The following PCDHGB6 variants were observed in gnomAD, a reference collection of about 807,000 sequenced individuals.
PCDHGB6 encodes protocadherin gamma subfamily B, 6, also known as protocadherin gamma-B6.
In PCDHGB6, 51 loss-of-function variants were observed where a neutral mutation model predicts 59.1. The observed-to-expected ratio is 0.86, with a 90% CI of 0.69 to 1.09. The LOEUF is 1.09. Among genes scored for constraint, PCDHGB6 ranks in the 50% least tolerant of loss-of-function variants. The pLI is 0.00. For missense variants in PCDHGB6, 1,148 were observed against 1,205.1 expected, an observed-to-expected ratio of 0.95 and a Z score of 0.70; for synonymous variants, 466 against 495.1, an observed-to-expected ratio of 0.94 and a Z score of 0.78.
chr5:141,414,801 G>A, intron 1 of PCDHGB6: 2 of 1,614,218 alleles, frequency 1.2e-6, no homozygotes, highest in Non-Finnish European at 1.7e-6. Flanking sequence ...GCGACAGCGG[G>A]GATCCTCCAC....
chr5:141,408,940 A>G lies in PCDHGB6; in HGVS notation c.738A>G (p.Glu246=). 2 of 1,613,658 alleles carry G rather than the reference A, an allele frequency of 1.2e-6. No individual in the cohort carries two copies. The highest frequency in any genetic ancestry group is 1.7e-6 in the Non-Finnish European group (2 of 1,179,776). ...ACCCCCCGGTTTTCAGCAGAGACGAATATAGAATTAGTCTTAGTGAAAATC... is the reference window on the plus strand; with the variant it reads ...ACCCCCCGGTTTTCAGCAGAGACGAGTATAGAATTAGTCTTAGTGAAAATC... ...NDNPPVFSRD[E]YRISLSENLP... The change falls in exon 1 of 4, where the codon GAA becomes GAG. Residue 246 remains glutamate, a synonymous_variant. Coordinates refer to ENST00000520790, the MANE Select transcript of PCDHGB6 (RefSeq NM_018926.3).
intron 1 of PCDHGB6, among the ~76,000 whole-genome samples, chr5:141,456,073 A>G (rs1490650582): frequency 2.6e-5 from 4 of 151,252 alleles, no homozygotes; most frequent in Non-Finnish European, 5.9e-5. Flanking sequence ...AATTTTTTGT[A>G]TTTTCAGTAG....
Position 141,431,938 on chromosome 5 carries a change from A to G in PCDHGB6, c.2418+21318A>G, listed in dbSNP as rs150199588. 49 of 1,614,050 alleles carry G rather than the reference A, an allele frequency of 3.0e-5. No individual in the cohort carries two copies. Among genetic ancestry groups the G allele is most frequent in the Non-Finnish European group, 3.9e-5 (46 of 1,180,026 alleles). Reference sequence around the variant, plus strand: ...TCATCCAAGGAAATCTGCCCTTTAAATTAGAAAAATCTTACGGAAATTACT... The same window carrying G: ...TCATCCAAGGAAATCTGCCCTTTAAGTTAGAAAAATCTTACGGAAATTACT... On this transcript the variant is annotated intron_variant, in intron 1 of 3. Coordinates refer to ENST00000520790, the MANE Select transcript of PCDHGB6 (RefSeq NM_018926.3). This position sits in a 1 kb window ranked among gnomAD's most constrained non-coding sequence, Gnocchi z 4.8.
rs964965013 is a variant in PCDHGB6 at position 141,489,097 on chromosome 5, C to G, written c.2419-5710C>G. The G allele has an allele frequency of 6.4e-6, 2 of 313,448 alleles. No homozygotes were observed. The highest frequency in any genetic ancestry group is 1.1e-4 in the South Asian group (2 of 18,596). 19.4% of individuals were successfully genotyped at this position (313,448 alleles called of 1,614,324 possible). The stretch of plus-strand genomic sequence containing the variant: ...ACCCCCGCCACTCGGTGACTAAGAA[C>G]TGCTGCAAGCAGGCAAACCTCCGAG... On this transcript the variant is annotated intron_variant, in intron 1 of 3. Coordinates refer to ENST00000520790, the MANE Select transcript of PCDHGB6 (RefSeq NM_018926.3). This position sits in a 1 kb window ranked among gnomAD's most constrained non-coding sequence, Gnocchi z 4.5.
intron 1 of PCDHGB6, among the ~76,000 whole-genome samples, chr5:141,455,137 G>A (rs892739175): frequency 2.7e-5 from 4 of 150,642 alleles, no homozygotes; most frequent in African/African-American, 9.8e-5. Flanking sequence ...ATTACACTGT[G>A]TTAAATAAAT....
intron 1 of PCDHGB6, chr5:141,413,189 G>T: frequency 1.2e-6 from 2 of 1,606,972 alleles, no homozygotes; most frequent in Middle Eastern, 1.7e-4. Flanking sequence ...GCCGCTCAAA[G>T]GAATCGCTCA....
chr5:141,505,089 G>A (rs1562219081), intron 2 of PCDHGB6, among the ~76,000 whole-genome samples: 1 of 152,208 alleles, frequency 6.6e-6, no homozygotes, highest in Non-Finnish European at 1.5e-5. Context: ...TTGAACCCAG[G>A]AGGTGGATGT....
chr5:141,415,606 G>A lies in PCDHGB6; in HGVS notation c.2418+4986G>A. On this transcript the variant is annotated intron_variant, in intron 1 of 3. Transcript: ENST00000520790. ...GTTTCCTATAGAGGATACCCCATTG[G>A]TTCCAGTGAGTTTTATTTTCATTTT... The A allele has an allele frequency of 1.2e-6, 2 of 1,612,910 alleles. 1 individual carries two copies. Among genetic ancestry groups the A allele is most frequent in the East Asian group, 4.5e-5 (2 of 44,866 alleles).
At chr5:141,418,077 T>G (rs770464447) in intron 1 of PCDHGB6, 4 of 1,613,914 alleles carry the variant, frequency 2.5e-6, no homozygotes, top group African/African-American at 1.3e-5. Context: ...GCGGAGAAGC[T>G]GCACTTCAGC....
At chr5:141,449,328 C>G (rs1340432771) in intron 1 of PCDHGB6, among the ~76,000 whole-genome samples, 1 of 151,866 alleles carries the variant, frequency 6.6e-6, no homozygotes, top group African/African-American at 2.4e-5. Flanking sequence ...ATCTGTAGGC[C>G]AGGTGCAGTG....
intron 1 of PCDHGB6, among the ~76,000 whole-genome samples, chr5:141,481,789 T>TAAAAATAC (rs972511310): frequency 3.3e-5 from 5 of 151,186 alleles, no homozygotes; most frequent in African/African-American, 1.2e-4. Flanking sequence ...CCGTCTCTAC[T>TAAAAATAC]AAAAATACAA....
intron 1 of PCDHGB6, among the ~76,000 whole-genome samples, chr5:141,450,649 G>A (rs2098689040): frequency 6.6e-6 from 1 of 151,674 alleles, no homozygotes; most frequent in African/African-American, 2.4e-5. Flanking sequence ...ACCATGCCTG[G>A]CTAATTTTTG....
At chr5:141,456,148 C>T (rs1408257938) in intron 1 of PCDHGB6, among the ~76,000 whole-genome samples, 13 of 152,078 alleles carry the variant, frequency 8.5e-5, no homozygotes, top group African/African-American at 3.1e-4. Flanking sequence ...CCGCCCGCCT[C>T]GGCCTCCTAA....
rs1554123924 is a variant in PCDHGB6, at chr5:141,431,826, T to C, written c.2418+21206T>C. 1 of 1,614,220 alleles carries C rather than the reference T, an allele frequency of 6.2e-7. No homozygotes were observed. The highest frequency in any genetic ancestry group is 8.5e-7 in the Non-Finnish European group (1 of 1,180,050). The stretch of plus-strand genomic sequence containing the variant: ...GTCCTCACCTCTCTCGCCAGCTCGG[T>C]TCCCGAAAACTCTCCCAGAGGGACA... On this transcript the variant is annotated intron_variant, in intron 1 of 3. Coordinates refer to ENST00000520790, the MANE Select transcript of PCDHGB6 (RefSeq NM_018926.3). This position sits in a 1 kb window ranked among gnomAD's most constrained non-coding sequence, Gnocchi z 4.8.
intron 2 of PCDHGB6, among the ~76,000 whole-genome samples, chr5:141,499,317 A>G (rs532848559): frequency 7.9e-5 from 12 of 152,354 alleles, no homozygotes; most frequent in Admixed American, 1.3e-4. Context: ...GAGAGACAGT[A>G]TCCCTGCTCT....
intron 1 of PCDHGB6, chr5:141,433,250 G>A: frequency 1.4e-6 from 2 of 1,440,892 alleles, no homozygotes; most frequent in Non-Finnish European, 1.9e-6. Flanking sequence ...CTGGAATGCA[G>A]CGGTACGATC....
chr5:141,485,563 C>A lies in PCDHGB6; in HGVS notation c.2419-9244C>A. 2 of 1,612,904 alleles carry A rather than the reference C, an allele frequency of 1.2e-6. No individual in the cohort carries two copies. The highest frequency in any genetic ancestry group is 1.7e-6 in the Non-Finnish European group (2 of 1,179,034). ...AGATCGTAGATGTGAATGATCACGC[C>A]CCCCGTTTTCCGCGGCAGCAGCTGG... On this transcript the variant is annotated intron_variant, in intron 1 of 3. Coordinates refer to ENST00000520790, the MANE Select transcript of PCDHGB6 (RefSeq NM_018926.3). This position sits in a 1 kb window ranked among gnomAD's most constrained non-coding sequence, Gnocchi z 5.7.
intron 1 of PCDHGB6, chr5:141,440,531 C>G (rs931337116): frequency 6.6e-6 from 1 of 152,272 alleles, no homozygotes; most frequent in Middle Eastern, 3.4e-3. Flanking sequence ...GAATCATGCA[C>G]CACGGTTCAG....
chr5:141,408,249 T>A lies in PCDHGB6; in HGVS notation c.47T>A (p.Val16Glu). ...AQRRRAGPRQ[V>E]LFPLLLPLFY... Reference sequence around the variant, plus strand: ...AGGCGCCGGGCCGGCCCGCGGCAGGTGCTATTTCCTTTGCTGCTGCCTTTG... The same window carrying A: ...AGGCGCCGGGCCGGCCCGCGGCAGGAGCTATTTCCTTTGCTGCTGCCTTTG... Residue 16 changes from valine to glutamate, a missense_variant, in exon 1 of 4, where the codon GTG becomes GAG. Around this residue, in one of 5 missense-constraint regions of PCDHGB6, gnomAD observed 307 missense variants for 323.8 expected, o/e 0.95. Coordinates refer to ENST00000520790, the MANE Select transcript of PCDHGB6 (RefSeq NM_018926.3). 1 of 1,589,992 alleles carries A rather than the reference T, an allele frequency of 6.3e-7. No individual in the cohort carries two copies. Among genetic ancestry groups the A allele is most frequent in the Non-Finnish European group, 8.6e-7 (1 of 1,168,404 alleles).
Sources: allele counts gnomAD v4.1 joint callset (sites outside exome capture counted in the v4.1 genomes callset), GRCh38; gene constraint gnomAD v4.1.1; regional missense constraint gnomAD v4.1.1; non-coding constraint Gnocchi (gnomAD v3.1); transcripts MANE v1.5; gene names NCBI Gene and HGNC (gene_info 2026-07-23, HGNC 2026-07-21).